DOK6: variants seen among roughly 807,000 people sequenced by gnomAD.
DOK6 encodes docking protein 6, also known as downstream of tyrosine kinase 6.
DOK6 carries 22 observed loss-of-function variants against 44.0 expected under a neutral mutation model. The observed-to-expected ratio is 0.50, with a 90% CI of 0.36 to 0.71. The LOEUF is 0.71. Among genes scored for constraint, DOK6 ranks in the 30% least tolerant of loss-of-function variants. The pLI is 0.00. For synonymous variants in DOK6, 166 were observed against 145.5 expected, an observed-to-expected ratio of 1.14 and a Z score of -1.01; for missense variants, 340 against 416.4, an observed-to-expected ratio of 0.82 and a Z score of 1.60.
chr18:69,603,026 T>C (rs2144624569), intron 3 of DOK6, among the ~76,000 whole-genome samples: 1 of 152,350 alleles, frequency 6.6e-6, no homozygotes, highest in African/African-American at 2.4e-5. Flanking sequence ...CCTAGTGTCA[T>C]GAACAATAAT....
intron 1 of DOK6, among the ~76,000 whole-genome samples, chr18:69,509,945 AGCTGCATT>A (rs1981318468): frequency 1.3e-5 from 2 of 152,358 alleles, no homozygotes; most frequent in South Asian, 4.1e-4. Context: ...CAGCAGTGAC[AGCTGCATT>A]TTTTTGCTGG....
chr18:69,768,171 G>A lies in DOK6; in HGVS notation c.856+10298G>A, dbSNP rs550070378. Among the ~76,000 whole-genome samples the A allele has an allele frequency of 4.6e-5, 7 of 152,108 alleles. No individual in the cohort carries two copies. The South Asian group carries it at 6.2e-4, about 14-fold the overall frequency. On this transcript the variant is annotated intron_variant, in intron 7 of 7. Coordinates refer to ENST00000382713, the MANE Select transcript of DOK6 (RefSeq NM_152721.6). The stretch of plus-strand genomic sequence containing the variant: ...TCAAATAAATTATACATATATATTC[G>A]ATTTTATTCAGAAGGGAATAAACAG...
In DOK6 at chr18:69,738,472, A is replaced by T. The variant is rs187677918; in HGVS notation, c.600-493A>T. Among the ~76,000 whole-genome samples, 53 of 151,966 alleles carry T rather than the reference A, an allele frequency of 3.5e-4. No homozygotes were observed. In the East Asian group the frequency reaches 7.1e-3, roughly 20 times the overall value. On this transcript the variant is annotated intron_variant, in intron 5 of 7. Coordinates refer to ENST00000382713, the MANE Select transcript of DOK6 (RefSeq NM_152721.6). ...ACTTGTCAGTGGAGTTTTCCTAATT[A>T]AAAAAAATGTTTTTAAAAAGTAATT...
intron 7 of DOK6, among the ~76,000 whole-genome samples, chr18:69,781,771 T>C (rs1439265519): frequency 6.6e-6 from 1 of 152,178 alleles, no homozygotes; most frequent in East Asian, 1.9e-4. Context: ...TTTCTAAAAT[T>C]GTGAAGTTTT....
chr18:69,693,216 C>T (rs1439940292), intron 4 of DOK6, among the ~76,000 whole-genome samples: 1 of 151,312 alleles, frequency 6.6e-6, no homozygotes, highest in Non-Finnish European at 1.5e-5. Flanking sequence ...ATACTTTGTT[C>T]CATGTTCCAT....
chr18:69,420,221 T>C (rs574570159), intron 1 of DOK6, among the ~76,000 whole-genome samples: 16 of 152,206 alleles, frequency 1.1e-4, no homozygotes, highest in African/African-American at 3.8e-4. Flanking sequence ...TCCTGCATTG[T>C]CTTTAGATGT....
In DOK6 at chr18:69,547,654, A is replaced by G. The variant is rs543158877; in HGVS notation, c.67-16833A>G. On this transcript the variant is annotated intron_variant, in intron 1 of 7. Coordinates refer to ENST00000382713, the MANE Select transcript of DOK6 (RefSeq NM_152721.6). Reference sequence around the variant, plus strand: ...TCTAACGTTAGAACTTATTCCTTCTATCTAACTATATGTTTGTACTCATTA... The same window carrying G: ...TCTAACGTTAGAACTTATTCCTTCTGTCTAACTATATGTTTGTACTCATTA... Among the ~76,000 whole-genome samples the G allele has an allele frequency of 1.3e-5, 2 of 151,166 alleles. 1 individual carries two copies. The highest frequency in any genetic ancestry group is 3.0e-5 in the Non-Finnish European group (2 of 67,632).
At chr18:69,513,518 T>A (rs1489206456) in intron 1 of DOK6, among the ~76,000 whole-genome samples, 1 of 152,218 alleles carries the variant, frequency 6.6e-6, no homozygotes, top group Non-Finnish European at 1.5e-5. Context: ...AAGATAACCC[T>A]TTGTTTTCTA....
chr18:69,649,093 TGGA>T lies in DOK6; in HGVS notation c.290-28639_290-28637del, dbSNP rs1010039414. 2.4e-4 allele frequency among the ~76,000 whole-genome samples: 36 copies of T among 152,288 alleles called. 1 individual carries two copies. The highest frequency in any genetic ancestry group is 8.2e-4 in the African/African-American group (34 of 41,562). On this transcript the variant is annotated intron_variant, in intron 3 of 7. Coordinates refer to ENST00000382713, the MANE Select transcript of DOK6 (RefSeq NM_152721.6). ...TCTTACCATCCACACAGCTTCCCAC[TGGA>T]GAAGTCTGTGGATATGTCCATTCCC...
At chr18:69,553,661 C>T (rs1229743443) in intron 1 of DOK6, among the ~76,000 whole-genome samples, 3 of 152,164 alleles carry the variant, frequency 2.0e-5, no homozygotes, top group African/African-American at 7.2e-5. Context: ...GTGGATTTAA[C>T]ACCCTTTGCT....
chr18:69,738,451 G>C (rs1038218815), intron 5 of DOK6, among the ~76,000 whole-genome samples: 5 of 152,026 alleles, frequency 3.3e-5, no homozygotes, highest in Non-Finnish European at 5.9e-5. Flanking sequence ...ATAACAACTT[G>C]TCAGTGGAGT....
At chr18:69,757,563 A>C (rs1489386317) in intron 6 of DOK6, among the ~76,000 whole-genome samples, 193 bp from the exon 7 acceptor site, 1 of 151,698 alleles carries the variant, frequency 6.6e-6, no homozygotes, top group Non-Finnish European at 1.5e-5. Context: ...TAATGAGTAA[A>C]ATTGTTTACA....
At position 69,468,747 on chromosome 18, in the gene DOK6, A is replaced by C. The variant is rs185277013; in HGVS notation, c.66+67437A>C. Among the ~76,000 whole-genome samples, 984 of 133,394 alleles carry C rather than the reference A, an allele frequency of 7.4e-3. 11 individuals carry two copies. The highest frequency in any genetic ancestry group is 0.036 in the African/African-American group (894 of 24,580). 87.5% of individuals were successfully genotyped at this position (133,394 alleles called of 152,430 possible). On this transcript the variant is annotated intron_variant, in intron 1 of 7. Coordinates refer to ENST00000382713, the MANE Select transcript of DOK6 (RefSeq NM_152721.6). ...TAGGGCAATTTTAGATTTCAAACTTAGATTAGGTGTGGTAATAGTCATAGA... is the reference window on the plus strand; with the variant it reads ...TAGGGCAATTTTAGATTTCAAACTTCGATTAGGTGTGGTAATAGTCATAGA...
chr18:69,509,655 AAAAAAAAAC>A (rs1263169844), intron 1 of DOK6, among the ~76,000 whole-genome samples: 20 of 149,710 alleles, frequency 1.3e-4, no homozygotes, highest in East Asian at 1.9e-4. Flanking sequence ...AAAAAAAAAA[AAAAAAAAAC>A]ACACAAGTCA....
At chr18:69,434,215 A>C (rs77215446) in intron 1 of DOK6, among the ~76,000 whole-genome samples, 5 of 152,174 alleles carry the variant, frequency 3.3e-5, no homozygotes, top group Non-Finnish European at 5.9e-5. Context: ...CAATTTCTCT[A>C]CCATTCCACA....
At chr18:69,409,548 G>A (rs1978297875) in intron 1 of DOK6, among the ~76,000 whole-genome samples, 1 of 152,204 alleles carries the variant, frequency 6.6e-6, no homozygotes, top group Non-Finnish European at 1.5e-5. Context: ...TGAGTGGATA[G>A]CAGAATGCAC....
At chr18:69,689,341 G>A (rs1986216500) in intron 4 of DOK6, among the ~76,000 whole-genome samples, 1 of 152,116 alleles carries the variant, frequency 6.6e-6, no homozygotes, top group African/African-American at 2.4e-5. Context: ...ACTCTTTCAA[G>A]AATGAAGGAC....
At chr18:69,505,777 G>A (rs149809316) in intron 1 of DOK6, among the ~76,000 whole-genome samples, 12 of 151,976 alleles carry the variant, frequency 7.9e-5, no homozygotes, top group African/African-American at 2.4e-4. Context: ...GATTACAGGC[G>A]TGAGCCACCA....
intron 2 of DOK6, among the ~76,000 whole-genome samples, chr18:69,593,145 G>T (rs1253862026): frequency 6.6e-6 from 1 of 152,062 alleles, no homozygotes; most frequent in Non-Finnish European, 1.5e-5. Flanking sequence ...CTGGAAGGTA[G>T]CTTGAGGCCA....
Sources: gnomAD v4.1 joint callset for allele counts (sites outside exome capture counted in the v4.1 genomes callset) on GRCh38, gnomAD v4.1.1 for gene constraint, MANE v1.5 for transcripts, NCBI Gene and HGNC (gene_info 2026-07-23, HGNC 2026-07-21) for gene names.